The following UBAC2 variants were observed in gnomAD, a reference collection of about 807,000 sequenced individuals.
The protein encoded by UBAC2 is ubiquitin-associated domain-containing protein 2.
A neutral mutation model predicts 44.0 loss-of-function variants in UBAC2; 26 were observed. The ratio of observed to expected loss-of-function variants is 0.59; its 90% CI spans 0.43 to 0.82. UBAC2 has a LOEUF of 0.82. UBAC2 is among the 40% of genes least tolerant of loss of function. The pLI is 0.00. For synonymous variants in UBAC2, 155 were observed against 154.3 expected (o/e 1.00, Z -0.04); for missense variants, 329 against 419.4 (o/e 0.78, Z 1.88).
intron 7 of UBAC2, among the ~76,000 whole-genome samples, chr13:99,352,792 C>G (rs1223415078): frequency 7.2e-6 from 1 of 139,488 alleles, no homozygotes; most frequent in Non-Finnish European, 1.7e-5. Flanking sequence ...ATGTGATGGT[C>G]ACTCTTCTGG....
intron 6 of UBAC2, among the ~76,000 whole-genome samples, chr13:99,319,159 A>G (rs763327814): frequency 4.6e-5 from 7 of 152,134 alleles, no homozygotes; most frequent in Non-Finnish European, 8.8e-5. Flanking sequence ...CATCTTGTCT[A>G]TGCTATTGTA....
At chr13:99,359,759 C>T (rs2045239531) in intron 7 of UBAC2, among the ~76,000 whole-genome samples, 1 of 152,228 alleles carries the variant, frequency 6.6e-6, no homozygotes, top group Non-Finnish European at 1.5e-5. Flanking sequence ...TGAGTAAGTC[C>T]TTGTGTGGGC....
intron 4 of UBAC2, among the ~76,000 whole-genome samples, chr13:99,259,409 C>T (rs1180758396): frequency 6.6e-6 from 1 of 150,888 alleles, no homozygotes; most frequent in Admixed American, 6.6e-5. Context: ...TACTTAAATC[C>T]TTGCCTTTGG....
intron 8 of UBAC2, among the ~76,000 whole-genome samples, chr13:99,369,767 A>G (rs1229939355): frequency 6.6e-6 from 1 of 152,242 alleles, no homozygotes; most frequent in African/African-American, 2.4e-5. Context: ...TATCAAAATT[A>G]ACATCACCAA....
chr13:99,301,087 A>G (rs1309267164), intron 4 of UBAC2, among the ~76,000 whole-genome samples: 1 of 152,236 alleles, frequency 6.6e-6, no homozygotes, highest in Non-Finnish European at 1.5e-5. Flanking sequence ...TTTCTTTAGA[A>G]CACTAATATC....
chr13:99,352,549 T>G (rs2045109488), intron 7 of UBAC2, among the ~76,000 whole-genome samples: 1 of 152,200 alleles, frequency 6.6e-6, no homozygotes, highest in Non-Finnish European at 1.5e-5. Flanking sequence ...TAGTAGAGCT[T>G]TATGTGTGCA....
At chr13:99,333,641 C>A (rs1331802159) in intron 6 of UBAC2, among the ~76,000 whole-genome samples, 6 of 152,192 alleles carry the variant, frequency 3.9e-5, no homozygotes, top group African/African-American at 1.2e-4. Flanking sequence ...ACACAAAAGC[C>A]CTACTTCCCT....
chr13:99,293,376 A>G (rs184157805), intron 4 of UBAC2, among the ~76,000 whole-genome samples: 13 of 152,176 alleles, frequency 8.5e-5, no homozygotes, highest in African/African-American at 2.9e-4. Context: ...TCTCTACTCC[A>G]GTGTAGTCAC....
At chr13:99,313,392 G>A (rs763438606) in intron 4 of UBAC2, 1 of 152,292 alleles carries the variant, frequency 6.6e-6, no homozygotes, top group Non-Finnish European at 1.5e-5. Flanking sequence ...AAGACTGTAA[G>A]TAGAAAGACA....
At chr13:99,263,811 G>C (rs1410924383) in intron 4 of UBAC2, among the ~76,000 whole-genome samples, 1 of 152,178 alleles carries the variant, frequency 6.6e-6, no homozygotes, top group African/African-American at 2.4e-5. Flanking sequence ...AATCACAATT[G>C]ATGATACACA....
chr13:99,253,626 G>T (rs2043489928), intron 4 of UBAC2, among the ~76,000 whole-genome samples: 1 of 152,008 alleles, frequency 6.6e-6, no homozygotes. Context: ...CTATTCTCCT[G>T]CCTCAGCTTC....
chr13:99,250,114 C>G (rs1232961096), intron 4 of UBAC2, among the ~76,000 whole-genome samples: 1 of 152,138 alleles, frequency 6.6e-6, no homozygotes, highest in Non-Finnish European at 1.5e-5. Context: ...CTTTTGAGGA[C>G]TTAGTCACAA....
chr13:99,368,727 A>G (rs866745469), intron 8 of UBAC2, among the ~76,000 whole-genome samples: 1,138 of 82,790 alleles, frequency 0.014, 12 homozygotes, highest in African/African-American at 0.036. Flanking sequence ...GTGTGTGTGT[A>G]CACATACCCT....
chr13:99,262,830 G>A (rs187284986), intron 4 of UBAC2, among the ~76,000 whole-genome samples: 37 of 150,312 alleles, frequency 2.5e-4, no homozygotes, highest in African/African-American at 8.8e-4. Flanking sequence ...GAGGATTTTA[G>A]TACACAGCCA....
At chr13:99,339,343 T>G (rs1158646189) in intron 6 of UBAC2, among the ~76,000 whole-genome samples, 1 of 152,196 alleles carries the variant, frequency 6.6e-6, no homozygotes, top group Non-Finnish European at 1.5e-5. Flanking sequence ...CCATGTCACT[T>G]TATTTCCTTC....
At chr13:99,254,936 T>C in intron 4 of UBAC2, 1 of 1,614,192 alleles carries the variant, frequency 6.2e-7, no homozygotes, top group Non-Finnish European at 8.5e-7. Flanking sequence ...CGGAAACTTT[T>C]TCTGCGCATG....
chr13:99,330,754 G>C (rs1264622813), intron 6 of UBAC2, among the ~76,000 whole-genome samples: 1 of 152,086 alleles, frequency 6.6e-6, no homozygotes, highest in East Asian at 1.9e-4. Context: ...AAAACGTTGA[G>C]TTTTTCACCA....
intron 1 of UBAC2, among the ~76,000 whole-genome samples, chr13:99,223,695 T>C (rs1475324462): frequency 6.6e-6 from 1 of 152,044 alleles, no homozygotes; most frequent in Admixed American, 6.6e-5. Flanking sequence ...TGCTTCATTT[T>C]TTTATTCTGT....
At chr13:99,266,376 A>G (rs1392670931) in intron 4 of UBAC2, among the ~76,000 whole-genome samples, 1 of 152,080 alleles carries the variant, frequency 6.6e-6, no homozygotes, top group African/African-American at 2.4e-5. Context: ...AAAAAAAATC[A>G]TGGAAAAAAC....
Sources: allele counts gnomAD v4.1 joint callset (sites outside exome capture counted in the v4.1 genomes callset), GRCh38; gene constraint gnomAD v4.1.1; transcripts MANE v1.5; gene names NCBI Gene and HGNC (gene_info 2026-07-23, HGNC 2026-07-21).